Variants in JMY observed in about 807,000 individuals in gnomAD.
JMY encodes junction mediating and regulatory protein, p53 cofactor.
JMY carries 46 observed loss-of-function variants against 103.3 expected under a neutral mutation model. The ratio of observed to expected loss-of-function variants is 0.45; its 90% CI spans 0.35 to 0.57. The LOEUF is 0.57. Among genes scored for constraint, JMY ranks in the 20% least tolerant of loss-of-function variants. The pLI is 0.00. For missense variants in JMY, 1,238 were observed against 1,255.2 expected, an observed-to-expected ratio of 0.99 and a Z score of 0.21; for synonymous variants, 526 against 489.3, an observed-to-expected ratio of 1.07 and a Z score of -0.99.
intron 2 of JMY, among the ~76,000 whole-genome samples, chr5:79,280,014 TTG>T (rs1449365404): frequency 6.6e-6 from 1 of 152,190 alleles, no homozygotes; most frequent in East Asian, 1.9e-4. Context: ...CAGCTGTTTT[TTG>T]TCGTAGTTTT....
At chr5:79,308,414 T>C (rs1004979876) in intron 7 of JMY, among the ~76,000 whole-genome samples, 3 of 152,222 alleles carry the variant, frequency 2.0e-5, no homozygotes, top group Admixed American at 1.3e-4. Flanking sequence ...GGTTTGTGTC[T>C]AGTTTAGGCT....
intron 1 of JMY, among the ~76,000 whole-genome samples, chr5:79,271,832 G>T (rs988651091): frequency 5.3e-5 from 8 of 152,186 alleles, no homozygotes; most frequent in Non-Finnish European, 1.2e-4. Context: ...TCTGGGCTGG[G>T]CGCAGTGGCT....
At chr5:79,318,713 T>C (rs1747323988) in intron 10 of JMY, among the ~76,000 whole-genome samples, 1 of 151,594 alleles carries the variant, frequency 6.6e-6, no homozygotes, top group Non-Finnish European at 1.5e-5. Context: ...TTTTTGCTTG[T>C]ACATATGTCC....
In JMY at chr5:79,323,454, A is replaced by ATATT. The variant is rs1275584951; in HGVS notation, c.*1853_*1856dup. 1 of 152,214 alleles carries ATATT rather than the reference A, an allele frequency of 6.6e-6. No homozygotes were observed. Among genetic ancestry groups the ATATT allele is most frequent in the African/African-American group, 2.4e-5 (1 of 41,464 alleles). The allele number at this position is 152,214 out of a possible 1,614,324, so 9.4% of individuals were successfully genotyped here. A position where few individuals can be genotyped will look rare whatever the true frequency, so the allele number is the denominator to read the frequency against. On this transcript the variant is annotated 3_prime_UTR_variant, in exon 11 of 11. Coordinates refer to ENST00000396137, the MANE Select transcript of JMY (RefSeq NM_152405.5). The stretch of plus-strand genomic sequence containing the variant: ...TAGTGTCCTATTTGCCCTTGGTAAA[A>ATATT]TATTAAAGCGTATTTCTTAACCCAA...
chr5:79,300,362 A>G, intron 5 of JMY, 44 bp downstream of exon 5: 2 of 1,458,048 alleles, frequency 1.4e-6, no homozygotes, highest in Non-Finnish European at 1.8e-6. Context: ...AAGATTGAAT[A>G]CATGAGAAAA....
At chr5:79,286,417 A>T (rs1049570420) in intron 2 of JMY, among the ~76,000 whole-genome samples, 2 of 152,082 alleles carry the variant, frequency 1.3e-5, no homozygotes, top group South Asian at 4.1e-4. Context: ...GAGGTGGGCA[A>T]ATCACCTGAG....
At chr5:79,254,487 GT>G (rs1745180412) in intron 1 of JMY, among the ~76,000 whole-genome samples, 1 of 152,186 alleles carries the variant, frequency 6.6e-6, no homozygotes, top group South Asian at 2.1e-4. Flanking sequence ...CTCCTGGCCT[GT>G]AAGGCTTCTA....
At chr5:79,247,331 C>G (rs910918170) in intron 1 of JMY, among the ~76,000 whole-genome samples, 1 of 152,008 alleles carries the variant, frequency 6.6e-6, no homozygotes, top group Non-Finnish European at 1.5e-5. Flanking sequence ...GAGATGGAGT[C>G]TCACTCTGTC....
intron 10 of JMY, among the ~76,000 whole-genome samples, chr5:79,317,982 G>A (rs939952172): frequency 6.6e-6 from 1 of 152,130 alleles, no homozygotes; most frequent in Non-Finnish European, 1.5e-5. Context: ...CTTGACTTAA[G>A]AATTCTGAGT....
At position 79,316,188 on chromosome 5, in the gene JMY, C is replaced by G. The variant is rs774117801; in HGVS notation, c.2848C>G (p.Leu950Val). The G allele has an allele frequency of 1.2e-6, 2 of 1,614,100 alleles. No homozygotes were observed. Among genetic ancestry groups the G allele is most frequent in the Non-Finnish European group, 1.7e-6 (2 of 1,179,928 alleles). ...KDVLRESFTL[L>V]PDTDPLTRSI... ...TGTTTTGAGAGAATCCTTCACACTT[C>G]TACCCGATACAGACCCTCTAACACG... The change falls in exon 10 of 11, where the codon CTA (leucine) becomes GTA (valine). Residue 950 changes from leucine to valine, a missense_variant. Physicochemically the swap from Leu to Val is conservative, Grantham distance 32. Coordinates refer to ENST00000396137, the MANE Select transcript of JMY (RefSeq NM_152405.5).
chr5:79,267,327 G>T (rs1745613456), intron 1 of JMY, among the ~76,000 whole-genome samples: 1 of 152,126 alleles, frequency 6.6e-6, no homozygotes, highest in African/African-American at 2.4e-5. Flanking sequence ...ATACAAAATA[G>T]TTTAACTGCT....
chr5:79,272,356 C>A (rs1460451710), intron 1 of JMY, among the ~76,000 whole-genome samples: 1 of 152,090 alleles, frequency 6.6e-6, no homozygotes, highest in Non-Finnish European at 1.5e-5. Context: ...ATTTATATTT[C>A]ATATAATTCT....
At chr5:79,258,948 G>T (rs1561292860) in intron 1 of JMY, among the ~76,000 whole-genome samples, 1 of 152,196 alleles carries the variant, frequency 6.6e-6, no homozygotes, top group East Asian at 1.9e-4. Flanking sequence ...CAGCAAGAAT[G>T]AAGTACACAG....
In JMY at chr5:79,278,075, C is replaced by A; in HGVS notation, c.1198C>A (p.Gln400Lys). The change falls in exon 2 of 11, where the codon CAG becomes AAG. Residue 400 changes from glutamine (Q) to lysine (K), a missense_variant. By Grantham distance (53) the Gln-to-Lys change is moderately conservative. Transcript: ENST00000396137. ...MRELAMLRRQ[Q>K]IKISMENDYL... Reference sequence around the variant, plus strand: ...AGAACTTGCCATGCTACGAAGACAGCAGATCAAGGTATTTTTTTATTAATC... The same window carrying A: ...AGAACTTGCCATGCTACGAAGACAGAAGATCAAGGTATTTTTTTATTAATC... 1 of 1,609,480 alleles carries A rather than the reference C, an allele frequency of 6.2e-7. No individual in the cohort carries two copies. Among genetic ancestry groups the A allele is most frequent in the South Asian group, 1.1e-5 (1 of 90,584 alleles).
chr5:79,292,634 A>G (rs549785232), intron 4 of JMY, among the ~76,000 whole-genome samples: 1 of 152,172 alleles, frequency 6.6e-6, no homozygotes, highest in East Asian at 1.9e-4. Context: ...ATTATCTAGC[A>G]TTATTGTTCT....
chr5:79,301,524 T>C (rs1374351922), intron 6 of JMY, among the ~76,000 whole-genome samples: 2 of 152,164 alleles, frequency 1.3e-5, no homozygotes, highest in Non-Finnish European at 2.9e-5. Flanking sequence ...ACTTCCTCAT[T>C]CCACAGAAAA....
In JMY at chr5:79,326,022, A is replaced by G. The variant is rs997164946; in HGVS notation, c.*4420A>G. The G allele has an allele frequency of 1.3e-5, 2 of 152,146 alleles. No individual in the cohort carries two copies. Among genetic ancestry groups the G allele is most frequent in the Admixed American group, 1.3e-4 (2 of 15,270 alleles). The allele number at this position is 152,146 out of a possible 1,614,324, so 9.4% of individuals were successfully genotyped here. A position where few individuals can be genotyped will look rare whatever the true frequency, so the allele number is the denominator to read the frequency against. On this transcript the variant is annotated 3_prime_UTR_variant, in exon 11 of 11. Coordinates refer to ENST00000396137, the MANE Select transcript of JMY (RefSeq NM_152405.5). ...GTAGGATTTAATTGATTGAATTCCA[A>G]ATTTATACTGTCTCTTCCCTTCTGC...
At position 79,325,036 on chromosome 5, in the gene JMY, ACT is replaced by A. The variant is rs1747588301; in HGVS notation, c.*3437_*3438del. The A allele has an allele frequency of 6.6e-6, 1 of 152,578 alleles. No homozygotes were observed. The highest frequency in any genetic ancestry group is 2.4e-5 in the African/African-American group (1 of 41,428). 9.5% of individuals were successfully genotyped at this position (152,578 alleles called of 1,614,324 possible). A position where few individuals can be genotyped will look rare whatever the true frequency, so the allele number is the denominator to read the frequency against. ...GCCATAGTAGACACTAAGAATTAAAACTCTTAAATCAGTGAAACAAAAACTAA... is the reference window on the plus strand; with the variant it reads ...GCCATAGTAGACACTAAGAATTAAAACTTAAATCAGTGAAACAAAAACTAA... On this transcript the variant is annotated 3_prime_UTR_variant, in exon 11 of 11. Coordinates refer to ENST00000396137, the MANE Select transcript of JMY (RefSeq NM_152405.5).
At chr5:79,257,225 A>G (rs1484012790) in intron 1 of JMY, among the ~76,000 whole-genome samples, 1 of 151,926 alleles carries the variant, frequency 6.6e-6, no homozygotes, top group Non-Finnish European at 1.5e-5. Context: ...GGCGTGAGCT[A>G]CCATGCCCGG....
Sources: gnomAD v4.1 joint callset for allele counts (sites outside exome capture counted in the v4.1 genomes callset) on GRCh38, gnomAD v4.1.1 for gene constraint, MANE v1.5 for transcripts, NCBI Gene and HGNC (gene_info 2026-07-23, HGNC 2026-07-21) for gene names.